The following CIMAP1D variants were observed in gnomAD, a reference collection of about 807,000 sequenced individuals.
CIMAP1D encodes protein CIMAP1D.
the CIMAP1D span, among the ~76,000 whole-genome samples, chr19:465,940 G>T: frequency 1.9e-5 from 2 of 104,440 alleles, no homozygotes; most frequent in Admixed American, 2.2e-4. Context: ...GGATGGTTGG[G>T]TGGGTGGATG....
At chr19:474,671 A>G in the CIMAP1D span, 7 of 1,582,172 alleles carry the variant, frequency 4.4e-6, no homozygotes, top group Admixed American at 1.2e-4. Context: ...GGTCTCCGGA[A>G]TCTGGCCCTC....
chr19:469,562 C>T, the CIMAP1D span, among the ~76,000 whole-genome samples: 3 of 151,974 alleles, frequency 2.0e-5, no homozygotes, highest in East Asian at 5.8e-4. Flanking sequence ...TGGTGGCGGG[C>T]GCCTGTAGTC....
chr19:489,847 A>T, the CIMAP1D span: 292 of 381,456 alleles, frequency 7.7e-4, 3 homozygotes, highest in Non-Finnish European at 1.1e-3. Context: ...AGTCGTCCTC[A>T]GAGGCCGCCG....
the CIMAP1D span, among the ~76,000 whole-genome samples, chr19:475,150 G>A: frequency 8.6e-3 from 1,311 of 152,296 alleles, 22 homozygotes; most frequent in African/African-American, 0.03. Context: ...GGGGTCGTGG[G>A]TGGCGTGGCC....
the CIMAP1D span, chr19:489,140 G>A: frequency 6.7e-6 from 1 of 148,394 alleles, no homozygotes; most frequent in South Asian, 2.1e-4. Context: ...TGTGGGCGGG[G>A]TGGGTGCGCG....
the CIMAP1D span, among the ~76,000 whole-genome samples, chr19:471,149 C>G: frequency 5.3e-3 from 800 of 152,288 alleles, 1 homozygote; most frequent in Non-Finnish European, 9.8e-3. Flanking sequence ...TTTTTGTTTT[C>G]TTTTCTTTTC....
chr19:481,581 G>A, the CIMAP1D span, among the ~76,000 whole-genome samples: 2 of 149,430 alleles, frequency 1.3e-5, no homozygotes, highest in Non-Finnish European at 3.0e-5. Flanking sequence ...TGGGAAGGAT[G>A]ATGGAGAAGG....
the CIMAP1D span, chr19:467,726 A>T: frequency 6.2e-7 from 1 of 1,610,480 alleles, no homozygotes; most frequent in Non-Finnish European, 8.5e-7. Context: ...GGGGTCCAAG[A>T]AGTAGATGGG....
At chr19:490,199 T>A in the CIMAP1D span, 1 of 328,428 alleles carries the variant, frequency 3.0e-6, no homozygotes. Context: ...CTACTAAAAA[T>A]ACAAAAATTA....
chr19:472,000 C>G, the CIMAP1D span, among the ~76,000 whole-genome samples: 1 of 152,216 alleles, frequency 6.6e-6, no homozygotes, highest in Non-Finnish European at 1.5e-5. Context: ...CCTGCCTCAG[C>G]CTCCTTAAGT....
the CIMAP1D span, among the ~76,000 whole-genome samples, chr19:488,816 G>A: frequency 3.3e-5 from 5 of 152,324 alleles, no homozygotes; most frequent in South Asian, 6.2e-4. Context: ...CAGGCCTCCC[G>A]GGACCAGCGC....
At chr19:475,343 A>T in the CIMAP1D span, among the ~76,000 whole-genome samples, 1 of 152,218 alleles carries the variant, frequency 6.6e-6, no homozygotes, top group Non-Finnish European at 1.5e-5. Context: ...AGAACTGGAC[A>T]CGAACAGACG....
At chr19:479,039 A>T in the CIMAP1D span, among the ~76,000 whole-genome samples, 1 of 152,224 alleles carries the variant, frequency 6.6e-6, no homozygotes, top group African/African-American at 2.4e-5. Context: ...ACGTGGGCGA[A>T]GGGGGTGTTG....
the CIMAP1D span, chr19:467,704 G>A: frequency 6.2e-7 from 1 of 1,612,200 alleles, no homozygotes; most frequent in Non-Finnish European, 8.5e-7. Context: ...TGCGGCCAAA[G>A]CGTGTGACTT....
At chr19:488,364 TACAA>T in the CIMAP1D span, among the ~76,000 whole-genome samples, 11,304 of 150,940 alleles carry the variant, frequency 0.075, 887 homozygotes, top group East Asian at 0.31. Context: ...CTACTAAAAA[TACAA>T]ACAATTAGCC....
At chr19:480,086 G>C in the CIMAP1D span, among the ~76,000 whole-genome samples, 1 of 152,240 alleles carries the variant, frequency 6.6e-6, no homozygotes, top group African/African-American at 2.4e-5. Context: ...AGAAGGTCAC[G>C]CTCCAGCAGA....
chr19:474,396 G>A, the CIMAP1D span, among the ~76,000 whole-genome samples: 1 of 152,228 alleles, frequency 6.6e-6, no homozygotes, highest in Admixed American at 6.5e-5. Flanking sequence ...AGGGGACCCG[G>A]CTGGCAAAGC....
the CIMAP1D span, among the ~76,000 whole-genome samples, chr19:472,075 T>C: frequency 6.6e-6 from 1 of 152,200 alleles, no homozygotes; most frequent in Non-Finnish European, 1.5e-5. Context: ...AGAAACTGAG[T>C]TGCAAAGCAC....
At chr19:487,695 G>C in the CIMAP1D span, among the ~76,000 whole-genome samples, 7 of 152,104 alleles carry the variant, frequency 4.6e-5, no homozygotes, top group African/African-American at 1.7e-4. Flanking sequence ...ATGAGGCAGG[G>C]GGGATCAGCT....
Sources: gnomAD v4.1 joint callset for allele counts (sites outside exome capture counted in the v4.1 genomes callset) on GRCh38, gnomAD v4.1.1 for gene constraint, MANE v1.5 for transcripts, NCBI Gene and HGNC (gene_info 2026-07-23, HGNC 2026-07-21) for gene names.